Variants in SCN2A observed in about 807,000 individuals in gnomAD.
SCN2A encodes the protein sodium voltage-gated channel alpha subunit 2.
In SCN2A, 20 loss-of-function variants were observed where a neutral mutation model predicts 188.7. That is an observed-to-expected ratio of 0.11 (90% confidence interval 0.07 to 0.15). SCN2A has a LOEUF of 0.15. Ranked by LOEUF, SCN2A falls within the 10% of genes least tolerant of loss-of-function variation. The pLI is 1.00. For missense variants in SCN2A, 1,278 were observed against 2,445.0 expected, an observed-to-expected ratio of 0.52 and a Z score of 10.07; for synonymous variants, 804 against 833.1, an observed-to-expected ratio of 0.97 and a Z score of 0.60.
intron 16 of SCN2A, among the ~76,000 whole-genome samples, chr2:165,353,569 T>C (rs1700037648): frequency 6.6e-6 from 1 of 152,174 alleles, no homozygotes; most frequent in South Asian, 2.1e-4. Flanking sequence ...TGCAGTGAGC[T>C]TGGTGCTGGC....
At chr2:165,302,436 A>T (rs1696866186) in intron 3 of SCN2A, among the ~76,000 whole-genome samples, 1 of 152,182 alleles carries the variant, frequency 6.6e-6, no homozygotes, top group Non-Finnish European at 1.5e-5. Flanking sequence ...TAGTTTATAT[A>T]TAGGTTAAAA....
At chr2:165,387,134 C>A (rs2105398928) in intron 26 of SCN2A, 118 bp downstream of exon 26, 1 of 1,049,372 alleles carries the variant, frequency 9.5e-7, no homozygotes, top group South Asian at 1.4e-5. Flanking sequence ...AAATAAAAAT[C>A]TAATAGTCCA....
chr2:165,368,951 A>G (rs898155165), intron 19 of SCN2A, among the ~76,000 whole-genome samples: 11 of 150,912 alleles, frequency 7.3e-5, no homozygotes, highest in African/African-American at 2.4e-4. Context: ...TATTTTTTAG[A>G]CAGTCTTGCT....
At chr2:165,268,379 A>C (rs1044984725) in intron 1 of SCN2A, 4 of 152,090 alleles carry the variant, frequency 2.6e-5, no homozygotes, top group African/African-American at 9.7e-5. Context: ...GGGATGGTTT[A>C]ACATATGTAA....
chr2:165,286,690 A>C (rs353136), intron 1 of SCN2A, among the ~76,000 whole-genome samples: 142,471 of 152,164 alleles, frequency 0.94, 67,422 homozygotes, highest in East Asian at 1. Flanking sequence ...AACTGCATCC[A>C]GGCTAAAAAG....
intron 1 of SCN2A, among the ~76,000 whole-genome samples, chr2:165,293,454 T>C (rs909370041): frequency 2.0e-4 from 30 of 152,306 alleles, no homozygotes; most frequent in African/African-American, 5.8e-4. Context: ...CTATTGTTCC[T>C]AGGCTACAAA....
At chr2:165,302,006 C>A (rs1696838961) in intron 3 of SCN2A, among the ~76,000 whole-genome samples, 1 of 152,110 alleles carries the variant, frequency 6.6e-6, no homozygotes, top group Admixed American at 6.5e-5. Context: ...GATTTTTAAA[C>A]CCTCGGATTT....
chr2:165,373,427 TATGGAG>T, intron 21 of SCN2A, 80 bp downstream of exon 21: 1 of 1,505,328 alleles, frequency 6.6e-7, no homozygotes, highest in Non-Finnish European at 9.2e-7. Flanking sequence ...ATGTCAAATT[TATGGAG>T]AATTTGTGTC....
chr2:165,301,557 C>G (rs1205786567), intron 3 of SCN2A, among the ~76,000 whole-genome samples: 1 of 152,130 alleles, frequency 6.6e-6, no homozygotes, highest in Non-Finnish European at 1.5e-5. Flanking sequence ...GTTTCTCTAT[C>G]TGTAAAATTA....
intron 1 of SCN2A, among the ~76,000 whole-genome samples, chr2:165,240,857 A>G (rs967638342): frequency 1.3e-5 from 2 of 152,180 alleles, no homozygotes; most frequent in African/African-American, 2.4e-5. Flanking sequence ...TGTTTTTTAA[A>G]TGTGTGGAAT....
At chr2:165,365,390 TATC>T (rs1399521929) in intron 18 of SCN2A, 127 bp downstream of exon 18, 2 of 1,058,844 alleles carry the variant, frequency 1.9e-6, no homozygotes, top group Non-Finnish European at 2.8e-6. Flanking sequence ...TCTATCTATC[TATC>T]TATCTAGTAA....
At chr2:165,337,536 G>A (rs902030096) in intron 14 of SCN2A, among the ~76,000 whole-genome samples, 1 of 152,054 alleles carries the variant, frequency 6.6e-6, no homozygotes, top group African/African-American at 2.4e-5. Context: ...GCACATCTTA[G>A]TCATGCTGCT....
chr2:165,352,161 A>G (rs184216666), intron 16 of SCN2A, among the ~76,000 whole-genome samples: 86 of 152,276 alleles, frequency 5.6e-4, no homozygotes, highest in African/African-American at 2.1e-3. Context: ...TAAAAATTTT[A>G]CATGCAATTT....
intron 16 of SCN2A, among the ~76,000 whole-genome samples, chr2:165,348,096 C>A (rs962323157): frequency 1.3e-5 from 2 of 152,128 alleles, no homozygotes; most frequent in Non-Finnish European, 1.5e-5. Context: ...CAGTGGCTCA[C>A]GCCTGTAATC....
At position 165,336,453 on chromosome 2, in the gene SCN2A, A is replaced by G. The variant is rs1171911859; in HGVS notation, c.2388+4885A>G. On this transcript the variant is annotated intron_variant, in intron 14 of 26. Coordinates refer to ENST00000375437, the MANE Select transcript of SCN2A (RefSeq NM_001040142.2). Reference sequence around the variant, plus strand: ...TACAACATGAATAAACCTTGAATATATTATATTAAGTGAACAAAGCCAGTC... The same window carrying G: ...TACAACATGAATAAACCTTGAATATGTTATATTAAGTGAACAAAGCCAGTC... Among the ~76,000 whole-genome samples, 5 of 151,948 alleles carry G rather than the reference A, an allele frequency of 3.3e-5. No homozygotes were observed. The East Asian group carries it at 9.6e-4, about 29-fold the overall frequency.
intron 1 of SCN2A, chr2:165,285,616 C>T: frequency 4.0e-6 from 1 of 250,544 alleles, no homozygotes; most frequent in Non-Finnish European, 8.7e-6. Flanking sequence ...GACTATAACC[C>T]TGTGGCTGCC....
intron 11 of SCN2A, among the ~76,000 whole-genome samples, chr2:165,320,594 CA>C (rs1698024397): frequency 6.6e-6 from 1 of 152,236 alleles, no homozygotes; most frequent in African/African-American, 2.4e-5. Flanking sequence ...GAAATCTAGG[CA>C]GATGTTCCCA....
chr2:165,279,022 G>T (rs920802960), intron 1 of SCN2A, among the ~76,000 whole-genome samples: 4 of 152,022 alleles, frequency 2.6e-5, no homozygotes, highest in African/African-American at 2.4e-5. Flanking sequence ...AAGCAGGGAA[G>T]GAAGCATTCT....
At chr2:165,301,939 C>T (rs958111006) in intron 3 of SCN2A, among the ~76,000 whole-genome samples, 1 of 152,194 alleles carries the variant, frequency 6.6e-6, no homozygotes, top group Non-Finnish European at 1.5e-5. Flanking sequence ...GCTAAAACTT[C>T]AGACCAGGTT....
Sources: gnomAD v4.1 joint callset for allele counts (sites outside exome capture counted in the v4.1 genomes callset) on GRCh38, gnomAD v4.1.1 for gene constraint, MANE v1.5 for transcripts, NCBI Gene and HGNC (gene_info 2026-07-23, HGNC 2026-07-21) for gene names.